The following NSD1 variants were observed in gnomAD, a reference collection of about 807,000 sequenced individuals.
The protein encoded by NSD1 is nuclear receptor binding SET domain protein 1.
Under a neutral mutation model 242.7 loss-of-function variants are expected in NSD1, and 26 were observed. The observed-to-expected ratio is 0.11, with a 90% CI of 0.08 to 0.15. The LOEUF (loss-of-function observed/expected upper bound fraction) is 0.15, where lower values mean the gene tolerates loss of function less well. NSD1 is among the 10% of genes least tolerant of loss of function. The pLI, the probability that NSD1 is intolerant of heterozygous loss-of-function variation, is 1.00. For missense variants in NSD1, 2,495 were observed against 3,272.8 expected, an observed-to-expected ratio of 0.76 and a Z score of 5.80; for synonymous variants, 1,106 against 1,178.1, an observed-to-expected ratio of 0.94 and a Z score of 1.25.
intron 4 of NSD1, 93 bp downstream of exon 4, chr5:177,204,385 G>C: frequency 8.1e-7 from 1 of 1,227,592 alleles, no homozygotes; most frequent in East Asian, 2.5e-5. Flanking sequence ...ACAGAACTTT[G>C]CTCTGTTTCC....
At chr5:177,209,520 CTCTG>C in intron 4 of NSD1, 112 bp from the exon 5 acceptor site, 1 of 770,656 alleles carries the variant, frequency 1.3e-6, no homozygotes, top group Non-Finnish European at 2.0e-6. Context: ...CAGAGCAAGA[CTCTG>C]TCTCAAAAAA....
chr5:177,208,277 C>T (rs1037877087), intron 4 of NSD1, among the ~76,000 whole-genome samples: 7 of 152,080 alleles, frequency 4.6e-5, no homozygotes, highest in African/African-American at 1.7e-4. Context: ...ATGGTGTCAT[C>T]AGTATAATAG....
chr5:177,164,281 T>A (rs1265077767), intron 2 of NSD1, among the ~76,000 whole-genome samples: 1 of 151,464 alleles, frequency 6.6e-6, no homozygotes. Flanking sequence ...CTCAGCCTCC[T>A]GAGTAGCTGG....
In NSD1 at chr5:177,283,825, T is replaced by G; in HGVS notation, c.6048T>G (p.Ala2016=). The part of the protein sequence containing the change: ...IIDAGPKGNY[A]RFMNHCCQPN... ...ATGCTGGTCCCAAAGGAAACTATGCTCGGTTCATGAATCATTGCTGCCAGC... is the reference window on the plus strand; with the variant it reads ...ATGCTGGTCCCAAAGGAAACTATGCGCGGTTCATGAATCATTGCTGCCAGC... Residue 2016 remains alanine (A), a synonymous_variant, in exon 20 of 23, where the codon GCT becomes GCG. Coordinates refer to ENST00000439151, the MANE Select transcript of NSD1 (RefSeq NM_022455.5). The G allele has an allele frequency of 6.2e-7, 1 of 1,614,182 alleles. No individual in the cohort carries two copies. Among genetic ancestry groups the G allele is most frequent in the Non-Finnish European group, 8.5e-7 (1 of 1,180,026 alleles).
chr5:177,251,875 C>T, intron 12 of NSD1, 22 bp downstream of exon 12: 2 of 1,613,938 alleles, frequency 1.2e-6, no homozygotes, highest in South Asian at 2.2e-5. Context: ...ATCGAACGGT[C>T]TTCCTCCAAA....
rs1284576458 is a variant in NSD1 at position 177,241,508 on chromosome 5, C to CA, written c.4302+1654dup. On this transcript the variant is annotated intron_variant, in intron 8 of 22. Coordinates refer to ENST00000439151, the MANE Select transcript of NSD1 (RefSeq NM_022455.5). ...CGACAGAGCGAGACTCTCTCTCTCT[C>CA]AAAAAAAAAAAGAAAAAATACTCCC... 6.6e-3 allele frequency among the ~76,000 whole-genome samples: 925 copies of CA among 140,954 alleles called. 7 individuals are homozygous for CA. Among genetic ancestry groups the CA allele is most frequent in the African/African-American group, 0.018 (705 of 38,508 alleles). 92.5% of individuals were successfully genotyped at this position (140,954 alleles called of 152,430 possible). A position where few individuals can be genotyped will look rare whatever the true frequency, so the allele number is the denominator to read the frequency against.
chr5:177,208,253 A>G (rs1480676643), intron 4 of NSD1, among the ~76,000 whole-genome samples: 1 of 152,338 alleles, frequency 6.6e-6, no homozygotes, highest in East Asian at 1.9e-4. Flanking sequence ...TCCAGAAAAG[A>G]TAATGTAATA....
rs747573444 is a variant in NSD1 at position 177,295,274 on chromosome 5, C to G, written c.7906C>G (p.Leu2636Val). Residue 2636 changes from leucine to valine, a missense_variant, in exon 23 of 23, where the codon CTC (leucine) becomes GTC (valine). Leu to Val is a conservative substitution (Grantham distance 32, BLOSUM62 1). Around this residue, in one of 19 missense-constraint regions of NSD1, gnomAD observed 475 missense variants for 563.7 expected, o/e 0.84. Transcript: ENST00000439151. The surrounding 1 kb of genome is among the most constrained non-coding windows in gnomAD (Gnocchi z 4.3). ...ALGKASSRAG[L>V]WPIVAGQTLA... is the part of the protein sequence containing the mutation. ...GGGAAAAGCCTCATCACGGGCAGGGCTCTGGCCCATAGTGGCTGGACAGAC... is the reference window on the plus strand; with the variant it reads ...GGGAAAAGCCTCATCACGGGCAGGGGTCTGGCCCATAGTGGCTGGACAGAC... 6.2e-7 allele frequency: 1 copy of G among 1,614,254 alleles called. No homozygotes were observed. Among genetic ancestry groups the G allele is most frequent in the Admixed American group, 1.7e-5 (1 of 60,032 alleles).
intron 2 of NSD1, among the ~76,000 whole-genome samples, chr5:177,155,571 T>A (rs1758062748): frequency 6.6e-6 from 1 of 151,670 alleles, no homozygotes; most frequent in African/African-American, 2.4e-5. Flanking sequence ...CTTTTTTTTT[T>A]TTTTTTTTTT....
intron 5 of NSD1, among the ~76,000 whole-genome samples, chr5:177,232,185 T>C (rs991715671): frequency 6.6e-6 from 1 of 152,222 alleles, no homozygotes; most frequent in Non-Finnish European, 1.5e-5. Context: ...TTGATAATTC[T>C]GTTTAGATGT....
At chr5:177,252,158 G>A (rs778153205) in intron 12 of NSD1, among the ~76,000 whole-genome samples, 5 of 152,296 alleles carry the variant, frequency 3.3e-5, no homozygotes, top group Middle Eastern at 3.4e-3. Context: ...AATTGATGTC[G>A]GGAGGGGAAG....
chr5:177,216,675 T>G (rs866451422), intron 5 of NSD1, among the ~76,000 whole-genome samples: 61 of 151,270 alleles, frequency 4.0e-4, no homozygotes, highest in East Asian at 5.8e-4. Flanking sequence ...TCTCTGTTTT[T>G]TTTTTTTTTT....
At chr5:177,274,079 G>A (rs1227314251) in intron 17 of NSD1, among the ~76,000 whole-genome samples, 4 of 152,026 alleles carry the variant, frequency 2.6e-5, no homozygotes, top group East Asian at 3.9e-4. Context: ...GCTTGAACCC[G>A]GGAGGCAGAG....
At chr5:177,204,782 TTTTG>T (rs1302093398) in intron 4 of NSD1, among the ~76,000 whole-genome samples, 8 of 151,968 alleles carry the variant, frequency 5.3e-5, no homozygotes, top group South Asian at 2.1e-4. Context: ...GGTGGGTTTT[TTTTG>T]TTTGTTTGTT....
intron 14 of NSD1, among the ~76,000 whole-genome samples, chr5:177,264,391 A>G (rs1757248933): frequency 1.3e-5 from 2 of 152,210 alleles, no homozygotes; most frequent in Admixed American, 6.5e-5. Context: ...GAGTTTTAGC[A>G]TAGTATCTAA....
Position 177,294,150 on chromosome 5 carries a change from T to C in NSD1, c.6782T>C (p.Met2261Thr), listed in dbSNP as rs34165241. 83,184 of 1,614,106 alleles carry C rather than the reference T, an allele frequency of 0.052. 2,505 individuals are homozygous for C. The highest frequency in any genetic ancestry group is 0.084 in the South Asian group (7,614 of 91,084). The change falls in exon 23 of 23, where the codon ATG (methionine) becomes ACG (threonine). Residue 2261 changes from methionine (M) to threonine (T), a missense_variant. Physicochemically the swap from Met to Thr is moderately conservative, Grantham distance 81. Coordinates refer to ENST00000439151, the MANE Select transcript of NSD1 (RefSeq NM_022455.5). Reference sequence around the variant, plus strand: ...AAACCTCCTGCTGACACCAACCAGATGCTGTCGCTCTCCAAAAAAGCTCTG... The same window carrying C: ...AAACCTCCTGCTGACACCAACCAGACGCTGTCGCTCTCCAAAAAAGCTCTG... ...SDKPPADTNQ[M>T]LSLSKKALAG...
At chr5:177,287,584 C>T (rs1388446649) in intron 20 of NSD1, among the ~76,000 whole-genome samples, 2 of 152,176 alleles carry the variant, frequency 1.3e-5, no homozygotes, top group Admixed American at 6.5e-5. Context: ...TGCAGTGAGC[C>T]GGGATCTCAC....
intron 2 of NSD1, among the ~76,000 whole-genome samples, chr5:177,176,329 G>A (rs1270877353): frequency 6.6e-6 from 1 of 151,502 alleles, no homozygotes; most frequent in Non-Finnish European, 1.5e-5. Context: ...GCACGATCTC[G>A]GCTCACTGCA....
rs375675182 is a variant in NSD1, at chr5:177,209,905, C to T, written c.1506C>T (p.Ser502=). 6.2e-7 allele frequency: 1 copy of T among 1,614,078 alleles called. No individual in the cohort carries two copies. The highest frequency in any genetic ancestry group is 2.2e-5 in the East Asian group (1 of 44,880). The stretch of plus-strand genomic sequence containing the variant: ...GCGCTAAATCTCGAGCCAGAAAGAG[C>T]TCTGATAATCCAAAAAGGACTAGTG... ...KPCAKSRARK[S]SDNPKRTSVK... is the part of the protein sequence containing the mutation. Residue 502 remains serine, a synonymous_variant, in exon 5 of 23, where the codon AGC becomes AGT. Coordinates refer to ENST00000439151, the MANE Select transcript of NSD1 (RefSeq NM_022455.5).
Sources: gnomAD v4.1 joint callset for allele counts (sites outside exome capture counted in the v4.1 genomes callset) on GRCh38, gnomAD v4.1.1 for gene constraint, gnomAD v4.1.1 regional missense constraint, Gnocchi (gnomAD v3.1) non-coding constraint, MANE v1.5 for transcripts, NCBI Gene and HGNC (gene_info 2026-07-23, HGNC 2026-07-21) for gene names.